The following PTPN2 variants were observed in gnomAD, a reference collection of about 807,000 sequenced individuals.
PTPN2 encodes the protein tyrosine-protein phosphatase non-receptor type 2.
PTPN2 carries 19 observed loss-of-function variants against 57.3 expected under a neutral mutation model. The ratio of observed to expected loss-of-function variants is 0.33; its 90% confidence interval spans 0.23 to 0.49. The LOEUF (loss-of-function observed/expected upper bound fraction) is 0.49. PTPN2 is among the 20% of genes least tolerant of loss of function. The probability of loss-of-function intolerance (pLI) is 0.99; values close to 1 mark genes in which losing one functional copy is unlikely to be tolerated. For missense variants in PTPN2, 358 were observed against 501.1 expected, an observed-to-expected ratio of 0.71 and a Z score of 2.73; for synonymous variants, 153 against 164.9, an observed-to-expected ratio of 0.93 and a Z score of 0.55.
chr18:12,809,313 C>G (rs2041811177), intron 7 of PTPN2, among the ~76,000 whole-genome samples: 1 of 152,240 alleles, frequency 6.6e-6, no homozygotes, highest in Admixed American at 6.5e-5. Context: ...GTTTCCTGTG[C>G]TCTCACTTGT....
intron 6 of PTPN2, 151 bp from the exon 7 acceptor site, chr18:12,814,506 C>A: frequency 1.6e-6 from 1 of 635,622 alleles, no homozygotes; most frequent in Non-Finnish European, 2.6e-6. Flanking sequence ...GTTATGTACA[C>A]AACAACTATC....
At chr18:12,837,907 T>C (rs184727209) in intron 2 of PTPN2, among the ~76,000 whole-genome samples, 1 of 152,330 alleles carries the variant, frequency 6.6e-6, no homozygotes, top group East Asian at 1.9e-4. Context: ...TACATGTCAT[T>C]TGCCAACAGG....
chr18:12,814,849 T>C (rs1298959076), intron 6 of PTPN2, among the ~76,000 whole-genome samples: 1 of 151,972 alleles, frequency 6.6e-6, no homozygotes, highest in Non-Finnish European at 1.5e-5. Flanking sequence ...TCCCAACACT[T>C]TGGGAGGCCA....
chr18:12,869,553 AAAT>A (rs1243322958), intron 1 of PTPN2, among the ~76,000 whole-genome samples: 10 of 152,358 alleles, frequency 6.6e-5, no homozygotes, highest in Non-Finnish European at 1.2e-4. Flanking sequence ...AAATAATGTC[AAAT>A]AATATTTTTA....
chr18:12,870,458 TATATAGAGAGAGAG>T (rs1447107021), intron 1 of PTPN2, among the ~76,000 whole-genome samples: 13 of 30,282 alleles, frequency 4.3e-4, no homozygotes, highest in African/African-American at 6.2e-4. Flanking sequence ...TATATATATA[TATATAGAGAGAGAG>T]AGAGAGAGAG....
chr18:12,861,978 A>G (rs544977079), intron 1 of PTPN2: 1 of 152,354 alleles, frequency 6.6e-6, no homozygotes, highest in South Asian at 2.1e-4. Context: ...AAATACATTC[A>G]TAACATAAAT....
intron 4 of PTPN2, among the ~76,000 whole-genome samples, chr18:12,829,412 G>A (rs1397735783): frequency 6.6e-6 from 1 of 151,488 alleles, no homozygotes; most frequent in Non-Finnish European, 1.5e-5. Flanking sequence ...GGCTGAGACG[G>A]GAGAATCTCT....
At chr18:12,858,696 T>C (rs1014532838) in intron 2 of PTPN2, among the ~76,000 whole-genome samples, 3 of 152,228 alleles carry the variant, frequency 2.0e-5, no homozygotes, top group Non-Finnish European at 4.4e-5. Flanking sequence ...TTATTTATTT[T>C]TAAATAAGTT....
chr18:12,802,893 T>C (rs950485101), intron 7 of PTPN2, among the ~76,000 whole-genome samples: 2 of 152,216 alleles, frequency 1.3e-5, no homozygotes, highest in African/African-American at 2.4e-5. Flanking sequence ...AAAGTATAAT[T>C]ACTATCATGA....
chr18:12,802,902 G>C (rs1372961966), intron 7 of PTPN2, among the ~76,000 whole-genome samples: 1 of 152,060 alleles, frequency 6.6e-6, no homozygotes, highest in African/African-American at 2.4e-5. Flanking sequence ...TTACTATCAT[G>C]AAAATATATG....
chr18:12,873,294 GGTCTCCCTCTCCCTCTCTTTCCACA>G (rs1323353148), intron 1 of PTPN2, among the ~76,000 whole-genome samples: 51 of 145,716 alleles, frequency 3.5e-4, no homozygotes, highest in South Asian at 8.5e-4. Flanking sequence ...GTCTCCCCAC[GGTCTCCCTCTCCCTCTCTTTCCACA>G]GTCTCCCTCT....
intron 5 of PTPN2, among the ~76,000 whole-genome samples, chr18:12,821,842 C>G (rs1568112644): frequency 1.3e-5 from 2 of 152,162 alleles, no homozygotes; most frequent in Non-Finnish European, 2.9e-5. Flanking sequence ...ATGGAAGCCA[C>G]AGAAGAATTC....
Position 12,818,240 on chromosome 18 carries a change from G to A in PTPN2, c.496-875C>T, listed in dbSNP as rs543943871. On this transcript the variant is annotated intron_variant, in intron 5 of 8. Transcript: ENST00000309660. ...GTTTATTTTTTAAATATAATCTCCC[G>A]TTCACATGATTATCTTTTAGATTCT... Among the ~76,000 whole-genome samples the A allele has an allele frequency of 5.9e-4, 90 of 151,782 alleles. 1 individual carries two copies. Among genetic ancestry groups the A allele is most frequent in the Non-Finnish European group, 3.7e-4 (25 of 67,976 alleles).
At position 12,820,489 on chromosome 18, in the gene PTPN2, G is replaced by A. The variant is rs571453381; in HGVS notation, c.496-3124C>T. Among the ~76,000 whole-genome samples the A allele has an allele frequency of 3.9e-5, 6 of 152,050 alleles. No homozygotes were observed. The East Asian group carries it at 1.2e-3, about 29-fold the overall frequency. ...TTCACGCAGGAAAAAAAATGAGAGGGGAAAAAAAGGGTTGCCAAAGGATAC... is the reference window on the plus strand; with the variant it reads ...TTCACGCAGGAAAAAAAATGAGAGGAGAAAAAAAGGGTTGCCAAAGGATAC... On this transcript the variant is annotated intron_variant, in intron 5 of 8. Transcript: ENST00000309660.
At chr18:12,872,466 A>G (rs893867252) in intron 1 of PTPN2, among the ~76,000 whole-genome samples, 1 of 152,224 alleles carries the variant, frequency 6.6e-6, no homozygotes, top group Non-Finnish European at 1.5e-5. Context: ...TGGATTTGAA[A>G]AGTTATTCAT....
intron 2 of PTPN2, among the ~76,000 whole-genome samples, chr18:12,845,524 T>C (rs2043180999): frequency 6.6e-6 from 1 of 152,226 alleles, no homozygotes; most frequent in Non-Finnish European, 1.5e-5. Context: ...TTGGCTTCTG[T>C]ATGCTGACCT....
chr18:12,860,415 G>A (rs2043760776), intron 1 of PTPN2, among the ~76,000 whole-genome samples: 1 of 151,768 alleles, frequency 6.6e-6, no homozygotes, highest in Non-Finnish European at 1.5e-5. Flanking sequence ...TGGCCAGGAT[G>A]GTGAAACCTC....
chr18:12,808,130 C>T lies in PTPN2; in HGVS notation c.859-5979G>A, dbSNP rs759274351. On this transcript the variant is annotated intron_variant, in intron 7 of 8. Transcript: ENST00000309660. ...CCCAGGAGGCGGAGGCTACAGTGAG[C>T]GAGCCATGATCGTGCCACTGTACAC... Among the ~76,000 whole-genome samples, 688 of 151,870 alleles carry T rather than the reference C, an allele frequency of 4.5e-3. 1 individual carries two copies. Among genetic ancestry groups the T allele is most frequent in the Non-Finnish European group, 7.4e-3 (503 of 67,908 alleles).
At chr18:12,859,023 T>C (rs1010348905) in intron 2 of PTPN2, 141 bp downstream of exon 2, 26 of 535,490 alleles carry the variant, frequency 4.9e-5, no homozygotes, top group African/African-American at 4.5e-4. Context: ...CACCTTTAAA[T>C]TCTTAAAGAA....
Sources: gnomAD v4.1 joint callset for allele counts (sites outside exome capture counted in the v4.1 genomes callset) on GRCh38, gnomAD v4.1.1 for gene constraint, MANE v1.5 for transcripts, NCBI Gene and HGNC (gene_info 2026-07-23, HGNC 2026-07-21) for gene names.